ST3GAL5: variants seen among roughly 807,000 people sequenced by gnomAD.
ST3GAL5 encodes the protein lactosylceramide alpha-2,3-sialyltransferase.
Under a neutral mutation model 46.1 loss-of-function variants are expected in ST3GAL5, and 25 were observed. That is an observed-to-expected ratio of 0.54 (90% confidence interval 0.40 to 0.76). The LOEUF (loss-of-function observed/expected upper bound fraction) is 0.76, where lower values mean the gene tolerates loss of function less well. Among genes scored for constraint, ST3GAL5 ranks in the 30% least tolerant of loss-of-function variants. ST3GAL5 has a pLI of 0.00. For synonymous variants in ST3GAL5, 182 were observed against 192.7 expected (o/e 0.94, Z 0.46); for missense variants, 431 against 521.2 (o/e 0.83, Z 1.69).
chr2:85,881,213 A>G (rs1337207765), intron 1 of ST3GAL5, among the ~76,000 whole-genome samples: 1 of 152,192 alleles, frequency 6.6e-6, no homozygotes, highest in African/African-American at 2.4e-5. Flanking sequence ...TTCCCCAGAC[A>G]TGTGGAACTG....
Position 85,839,892 on chromosome 2 carries a change from T to C in ST3GAL5, c.*252A>G. The C allele has an allele frequency of 1.8e-6, 1 of 542,638 alleles. No homozygotes were observed. The highest frequency in any genetic ancestry group is 2.1e-5 in the South Asian group (1 of 48,252). 33.6% of individuals were successfully genotyped at this position (542,638 alleles called of 1,614,324 possible). On this transcript the variant is annotated 3_prime_UTR_variant, in exon 7 of 7. Transcript: ENST00000638572. ...TCAATACAACATCGTTACATACAAT[T>C]CTCTTTGAGAAGTCTTTCCAATTCA...
chr2:85,844,328 C>T, intron 6 of ST3GAL5, 68 bp downstream of exon 6: 3 of 1,608,812 alleles, frequency 1.9e-6, no homozygotes, highest in Non-Finnish European at 2.6e-6. Flanking sequence ...ACAGTTGAGC[C>T]AAAGTGAAAT....
chr2:85,888,695 C>T (rs1214048090), intron 1 of ST3GAL5, 129 bp downstream of exon 1: 30 of 683,954 alleles, frequency 4.4e-5, no homozygotes, highest in Non-Finnish European at 1.4e-5. Context: ...GGGTGTCGTG[C>T]CCTGGGCGCT....
chr2:85,878,110 T>C (rs1384671185), intron 1 of ST3GAL5, among the ~76,000 whole-genome samples: 1 of 152,198 alleles, frequency 6.6e-6, no homozygotes, highest in Non-Finnish European at 1.5e-5. Flanking sequence ...AGCTTGGTGA[T>C]TCCCAGCTCA....
At chr2:85,860,933 G>A (rs1684654951) in intron 3 of ST3GAL5, 2 of 503,604 alleles carry the variant, frequency 4.0e-6, no homozygotes, top group Non-Finnish European at 7.2e-6. Context: ...CCTAGAGCCT[G>A]TTGGGTTGAG....
At chr2:85,867,042 C>T (rs1379759154) in intron 1 of ST3GAL5, among the ~76,000 whole-genome samples, 4 of 152,130 alleles carry the variant, frequency 2.6e-5, no homozygotes, top group African/African-American at 7.2e-5. Context: ...TGGTAGCTCA[C>T]ACCTTTGGGA....
intron 4 of ST3GAL5, 124 bp from the exon 5 acceptor site, chr2:85,846,687 G>A (rs189372636): frequency 2.9e-5 from 26 of 902,288 alleles, no homozygotes; most frequent in East Asian, 2.3e-4. Context: ...TGCATGGTTT[G>A]CAGCCTCATC....
At chr2:85,863,605 T>G in intron 1 of ST3GAL5, 120 bp from the exon 2 acceptor site, 3 of 1,105,744 alleles carry the variant, frequency 2.7e-6, no homozygotes, top group Non-Finnish European at 4.1e-6. Context: ...TAACTGGCAA[T>G]AAAGAAGAAT....
intron 1 of ST3GAL5, among the ~76,000 whole-genome samples, chr2:85,871,632 T>C (rs1322812136): frequency 2.0e-5 from 3 of 152,312 alleles, no homozygotes; most frequent in Non-Finnish European, 2.9e-5. Context: ...AAAAAACTTA[T>C]ATCACTGGAT....
chr2:85,887,213 CAA>C (rs1302798368), intron 1 of ST3GAL5, among the ~76,000 whole-genome samples: 1 of 152,238 alleles, frequency 6.6e-6, no homozygotes, highest in Non-Finnish European at 1.5e-5. Context: ...AACCAAAGAA[CAA>C]AGAGTGTGTT....
At chr2:85,854,340 C>G (rs1683865271) in intron 3 of ST3GAL5, 1 of 152,652 alleles carries the variant, frequency 6.6e-6, no homozygotes, top group African/African-American at 2.4e-5. Flanking sequence ...CCCAACCCCC[C>G]TCGTCAGTGA....
At chr2:85,859,410 C>T (rs1226817060) in intron 3 of ST3GAL5, among the ~76,000 whole-genome samples, 1 of 152,130 alleles carries the variant, frequency 6.6e-6, no homozygotes, top group African/African-American at 2.4e-5. Context: ...TGTGAAGCGC[C>T]GTGGAATTGC....
chr2:85,875,195 C>T (rs561751000), intron 1 of ST3GAL5, among the ~76,000 whole-genome samples: 38 of 152,022 alleles, frequency 2.5e-4, no homozygotes, highest in African/African-American at 7.7e-4. Context: ...GTAGCTAGGA[C>T]GATAGGTGTA....
chr2:85,844,283 G>A, intron 6 of ST3GAL5, 113 bp downstream of exon 6: 1 of 1,372,582 alleles, frequency 7.3e-7, no homozygotes, highest in Non-Finnish European at 1.0e-6. Flanking sequence ...TCTAATCACA[G>A]GCTGGGTTTC....
chr2:85,845,326 C>G (rs1682654096), intron 5 of ST3GAL5: 1 of 152,928 alleles, frequency 6.5e-6, no homozygotes, highest in Admixed American at 6.5e-5. Context: ...ATTTTTGGAG[C>G]TCTTTAGAGT....
chr2:85,888,660 C>T (rs1688047310), intron 1 of ST3GAL5, 164 bp downstream of exon 1: 1 of 428,802 alleles, frequency 2.3e-6, no homozygotes, highest in Non-Finnish European at 3.5e-6. Context: ...GACCCTCCGC[C>T]CGCGCCCCAG....
Position 85,840,131 on chromosome 2 carries a change from A to G in ST3GAL5, c.*13T>C. On this transcript the variant is annotated 3_prime_UTR_variant, in exon 7 of 7. Transcript: ENST00000638572. ...AGAGTTAGAGTTGCATTTTCAACTGAGGTTTTCTGTGTTCAAAATTCACGA... is the reference window on the plus strand; with the variant it reads ...AGAGTTAGAGTTGCATTTTCAACTGGGGTTTTCTGTGTTCAAAATTCACGA... 6.2e-7 allele frequency: 1 copy of G among 1,614,180 alleles called. No homozygotes were observed. Among genetic ancestry groups the G allele is most frequent in the Non-Finnish European group, 8.5e-7 (1 of 1,180,032 alleles).
At chr2:85,881,696 C>A (rs2104232293) in intron 1 of ST3GAL5, among the ~76,000 whole-genome samples, 1 of 152,294 alleles carries the variant, frequency 6.6e-6, no homozygotes, top group East Asian at 1.9e-4. Context: ...GGAAAGCAGT[C>A]AAGAGGTGAC....
rs554364936 is a variant in ST3GAL5 at position 85,875,247 on chromosome 2, T to TA, written c.83-11763dup. Among the ~76,000 whole-genome samples, 159 of 152,050 alleles carry TA rather than the reference T, an allele frequency of 1.0e-3. 2 individuals carry two copies. The highest frequency in any genetic ancestry group is 2.5e-3 in the South Asian group (12 of 4,818). On this transcript the variant is annotated intron_variant, in intron 1 of 6. Transcript: ENST00000638572. ...TACATTTTTAATTTTTTTGTAGAGATAGAGTCTAAGCTTTATTGCCCAGGC... is the reference window on the plus strand; with the variant it reads ...TACATTTTTAATTTTTTTGTAGAGATAAGAGTCTAAGCTTTATTGCCCAGGC...
Sources: gnomAD v4.1 joint callset for allele counts (sites outside exome capture counted in the v4.1 genomes callset) on GRCh38, gnomAD v4.1.1 for gene constraint, MANE v1.5 for transcripts, NCBI Gene and HGNC (gene_info 2026-07-23, HGNC 2026-07-21) for gene names.